The following PTPRN2 variants were observed in gnomAD, a reference collection of about 807,000 sequenced individuals.
PTPRN2 encodes protein tyrosine phosphatase receptor type N2.
In PTPRN2, 74 loss-of-function variants were observed where a neutral mutation model predicts 118.8. The observed-to-expected ratio is 0.62, with a 90% CI of 0.52 to 0.76. The LOEUF (loss-of-function observed/expected upper bound fraction) is 0.76. Ranked by LOEUF, PTPRN2 falls within the 30% of genes least tolerant of loss-of-function variation. PTPRN2 has a pLI of 0.00. For synonymous variants in PTPRN2, 641 were observed against 608.0 expected (o/e 1.05, Z -0.80); for missense variants, 1,481 against 1,394.4 (o/e 1.06, Z -0.99).
At chr7:157,739,434 T>G (rs1242775) in intron 12 of PTPRN2, 96,748 of 152,108 alleles carry the variant, frequency 0.64, 30,895 homozygotes, top group East Asian at 0.69. Flanking sequence ...AGGGGCACCT[T>G]CGTTGTAGCT....
chr7:158,118,327 TAA>T (rs1250728485), intron 9 of PTPRN2, among the ~76,000 whole-genome samples: 1 of 152,184 alleles, frequency 6.6e-6, no homozygotes, highest in Non-Finnish European at 1.5e-5. Flanking sequence ...AGTATAAATT[TAA>T]GTTAGTGTTG....
intron 11 of PTPRN2, among the ~76,000 whole-genome samples, chr7:158,019,173 G>A (rs113060334): frequency 2.7e-4 from 41 of 152,294 alleles, no homozygotes; most frequent in African/African-American, 8.4e-4. Context: ...CTCCCACCAC[G>A]GGCTCCCAGC....
intron 3 of PTPRN2, among the ~76,000 whole-genome samples, chr7:158,246,007 T>A (rs961246916): frequency 6.6e-6 from 1 of 151,882 alleles, no homozygotes; most frequent in Non-Finnish European, 1.5e-5. Flanking sequence ...AGCGAGACCG[T>A]CAGGGTGCCC....
intron 2 of PTPRN2, among the ~76,000 whole-genome samples, chr7:158,343,559 A>T (rs528104232): frequency 6.6e-6 from 1 of 152,276 alleles, no homozygotes; most frequent in East Asian, 1.9e-4. Context: ...TTTACACCCA[A>T]TACCTGCAAG....
At chr7:158,538,119 G>A (rs182039018) in intron 1 of PTPRN2, among the ~76,000 whole-genome samples, 20 of 152,340 alleles carry the variant, frequency 1.3e-4, no homozygotes, top group African/African-American at 4.6e-4. Context: ...GCTCTCTTCC[G>A]GACGCTGGCG....
At chr7:157,613,433 T>C (rs115340122) in intron 15 of PTPRN2, among the ~76,000 whole-genome samples, 11,733 of 152,252 alleles carry the variant, frequency 0.077, 730 homozygotes, top group African/African-American at 0.17. Context: ...CCTCAGCGTG[T>C]TGCGCCTCCC....
intron 2 of PTPRN2, among the ~76,000 whole-genome samples, chr7:158,352,995 C>T (rs919797230): frequency 4.6e-4 from 70 of 152,214 alleles, no homozygotes; most frequent in Admixed American, 4.3e-3. Flanking sequence ...GCTCCTATTC[C>T]GGGTCTCCTA....
chr7:158,406,328 C>T lies in PTPRN2; in HGVS notation c.163+83407G>A, dbSNP rs35362782. On this transcript the variant is annotated intron_variant, in intron 2 of 22. Coordinates refer to ENST00000389418, the MANE Select transcript of PTPRN2 (RefSeq NM_002847.5). ...GACATTTGGCTGCACACTGAGATCC[C>T]GGTGGCTCATCCGTGAGACATTTGG... 6.8e-4 allele frequency among the ~76,000 whole-genome samples: 70 copies of T among 103,558 alleles called. 4 individuals carry two copies. In the South Asian group the frequency reaches 0.016, roughly 23 times the overall value. 67.9% of individuals were successfully genotyped at this position (103,558 alleles called of 152,430 possible).
chr7:158,482,617 T>C (rs1820725721), intron 2 of PTPRN2, among the ~76,000 whole-genome samples: 1 of 152,218 alleles, frequency 6.6e-6, no homozygotes, highest in Non-Finnish European at 1.5e-5. Context: ...ATGTAACTTT[T>C]ATATGCACTG....
At chr7:157,982,762 A>C (rs374438043) in intron 11 of PTPRN2, among the ~76,000 whole-genome samples, 2 of 45,570 alleles carry the variant, frequency 4.4e-5, no homozygotes, top group Admixed American at 2.4e-4. Flanking sequence ...TGCAGAGTGC[A>C]GGGTCCCCCC....
chr7:158,277,001 G>A (rs1001863256), intron 3 of PTPRN2, among the ~76,000 whole-genome samples: 1 of 152,158 alleles, frequency 6.6e-6, no homozygotes, highest in African/African-American at 2.4e-5. Context: ...AACAGGGTGG[G>A]GTGGGGGGCA....
intron 11 of PTPRN2, among the ~76,000 whole-genome samples, chr7:158,000,194 T>A (rs902691187): frequency 1.3e-5 from 2 of 152,234 alleles, no homozygotes; most frequent in African/African-American, 2.4e-5. Context: ...ACCTAGTTTT[T>A]ATTTTTTTAA....
intron 6 of PTPRN2, among the ~76,000 whole-genome samples, chr7:158,154,804 G>A (rs1445118222): frequency 6.6e-6 from 1 of 152,130 alleles, no homozygotes; most frequent in South Asian, 2.1e-4. Flanking sequence ...CAGCTTATGG[G>A]AGAACAGTTA....
intron 12 of PTPRN2, among the ~76,000 whole-genome samples, chr7:157,885,830 G>A (rs1019950354): frequency 1.3e-5 from 2 of 152,190 alleles, no homozygotes; most frequent in Non-Finnish European, 2.9e-5. Context: ...GGCACCGGCT[G>A]CCGGTTCTGC....
At chr7:158,148,577 T>A (rs202093800) in intron 6 of PTPRN2, among the ~76,000 whole-genome samples, 67 of 78,250 alleles carry the variant, frequency 8.6e-4, no homozygotes, top group Middle Eastern at 8.8e-3. Flanking sequence ...GCCACATGTC[T>A]TTCCCCCTCA....
chr7:158,248,796 TAG>T (rs201043321), intron 3 of PTPRN2, among the ~76,000 whole-genome samples: 2 of 12,266 alleles, frequency 1.6e-4, no homozygotes, highest in Admixed American at 9.1e-4. Context: ...TATGTGCATA[TAG>T]ATGACACACG....
At chr7:158,195,362 C>A (rs1345210858) in intron 4 of PTPRN2, among the ~76,000 whole-genome samples, 1 of 152,012 alleles carries the variant, frequency 6.6e-6, no homozygotes, top group Non-Finnish European at 1.5e-5. Flanking sequence ...ACCTTTTTTT[C>A]CTCTGGCTGC....
chr7:158,426,083 GA>G (rs1675056834), intron 2 of PTPRN2, among the ~76,000 whole-genome samples: 1 of 5,062 alleles, frequency 2.0e-4, no homozygotes, highest in Non-Finnish European at 3.1e-4. Context: ...CAGCCTAGCT[GA>G]GGCCTGCGCA....
chr7:158,493,348 C>G (rs1184669423), intron 1 of PTPRN2, among the ~76,000 whole-genome samples: 1 of 146,296 alleles, frequency 6.8e-6, no homozygotes, highest in Non-Finnish European at 1.5e-5. Flanking sequence ...CACACATACA[C>G]ACACGCACAC....
Sources: allele counts gnomAD v4.1 joint callset (sites outside exome capture counted in the v4.1 genomes callset), GRCh38; gene constraint gnomAD v4.1.1; transcripts MANE v1.5; gene names NCBI Gene and HGNC (gene_info 2026-07-23, HGNC 2026-07-21).